DMXL2: variants seen among roughly 807,000 people sequenced by gnomAD.
DMXL2 encodes dmX-like protein 2.
Under a neutral mutation model 331.1 loss-of-function variants are expected in DMXL2, and 103 were observed. The observed-to-expected ratio is 0.31, with a 90% CI of 0.27 to 0.37. The LOEUF (loss-of-function observed/expected upper bound fraction) is 0.37, where lower values mean the gene tolerates loss of function less well. Among genes scored for constraint, DMXL2 ranks in the 10% least tolerant of loss-of-function variants. The pLI, the probability that DMXL2 is intolerant of heterozygous loss-of-function variation, is 1.00. For synonymous variants in DMXL2, 1,281 were observed against 1,252.1 expected (o/e 1.02, Z -0.49); for missense variants, 3,171 against 3,642.9 (o/e 0.87, Z 3.33).
chr15:51,560,073 T>A (rs1008416820), intron 6 of DMXL2, among the ~76,000 whole-genome samples: 4 of 152,168 alleles, frequency 2.6e-5, no homozygotes, highest in African/African-American at 9.7e-5. Flanking sequence ...TCAGTAAATG[T>A]TATTGAGACA....
chr15:51,548,450 C>T (rs2049012296), intron 6 of DMXL2, among the ~76,000 whole-genome samples: 1 of 151,952 alleles, frequency 6.6e-6, no homozygotes, highest in South Asian at 2.1e-4. Flanking sequence ...TAAGTGTTTG[C>T]CCTTAGACAG....
intron 13 of DMXL2, among the ~76,000 whole-genome samples, chr15:51,530,690 G>A (rs531273821): frequency 2.0e-4 from 30 of 152,206 alleles, no homozygotes; most frequent in South Asian, 6.2e-4. Flanking sequence ...GGGAGGCAGC[G>A]GTTGCAGTGA....
chr15:51,622,689 T>A lies in DMXL2; in HGVS notation c.-144A>T, dbSNP rs1378185507. On this transcript the variant is annotated 5_prime_UTR_variant, in exon 1 of 44. The change creates a new upstream start codon in the 5' untranslated region. Transcript: ENST00000560891. The stretch of plus-strand genomic sequence containing the variant: ...GCTCTGGCTTAACTCCTCGCCCCCC[T>A]TTCGCCTTCCCTCCGCCTCGTCCCT... The A allele has an allele frequency of 7.1e-7, 1 of 1,404,866 alleles. No individual in the cohort carries two copies. The highest frequency in any genetic ancestry group is 9.3e-7 in the Non-Finnish European group (1 of 1,070,980). 87.0% of individuals were successfully genotyped at this position (1,404,866 alleles called of 1,614,324 possible). A position where few individuals can be genotyped will look rare whatever the true frequency, so the allele number is the denominator to read the frequency against.
chr15:51,457,597 G>T, intron 36 of DMXL2, 131 bp from the exon 37 acceptor site: 1 of 1,077,570 alleles, frequency 9.3e-7, no homozygotes, highest in Non-Finnish European at 1.3e-6. Context: ...GAAAAACTTA[G>T]GTACAAGTCC....
At chr15:51,555,315 A>T (rs966111325) in intron 6 of DMXL2, among the ~76,000 whole-genome samples, 1 of 152,184 alleles carries the variant, frequency 6.6e-6, no homozygotes, top group Non-Finnish European at 1.5e-5. Context: ...GGTGGTAAAG[A>T]AGTAAGCAGA....
At chr15:51,567,098 A>G (rs952941789) in intron 3 of DMXL2, 3 of 137,024 alleles carry the variant, frequency 2.2e-5, no homozygotes, top group African/African-American at 8.1e-5. Context: ...GCTGGAGTGC[A>G]ATGGTGCAGT....
At position 51,488,618 on chromosome 15, in the gene DMXL2, T is replaced by A; in HGVS notation, c.4981A>T (p.Asn1661Tyr). 1.2e-6 allele frequency: 2 copies of A among 1,611,310 alleles called. No homozygotes were observed. The highest frequency in any genetic ancestry group is 8.5e-7 in the Non-Finnish European group (1 of 1,179,394). Residue 1661 changes from asparagine to tyrosine, a missense_variant, in exon 21 of 44, where the codon AAT becomes TAT. This residue lies in a region of DMXL2 where 252 missense variants were observed against 387.4 expected (regional missense o/e 0.65). Coordinates refer to ENST00000560891, the MANE Select transcript of DMXL2 (RefSeq NM_001378457.1). ...AATAGTGCAGCATCTAAGGCATCAT[T>A]GTTCCTTTGAAAAGAAGCTTTGGCA... ...KVAKASFQRN[N>Y]DALDAALFYL...
chr15:51,518,158 C>A (rs958013812), intron 13 of DMXL2, among the ~76,000 whole-genome samples: 1 of 151,998 alleles, frequency 6.6e-6, no homozygotes, highest in African/African-American at 2.4e-5. Flanking sequence ...CATGGTGAAA[C>A]CCCGTCTCTA....
rs762386288 is a variant in DMXL2, at chr15:51,450,154, G to A, written c.8942C>T (p.Thr2981Ile). The A allele has an allele frequency of 3.1e-6, 5 of 1,613,760 alleles. No homozygotes were observed. Residue 2981 changes from threonine (T) to isoleucine (I), a missense_variant, in exon 43 of 44, where the codon ACA becomes ATA. Physicochemically the swap from Thr to Ile is moderately conservative, Grantham distance 89. This residue lies in a region of DMXL2 where 766 missense variants were observed against 940.5 expected (regional missense o/e 0.81). Coordinates refer to ENST00000560891, the MANE Select transcript of DMXL2 (RefSeq NM_001378457.1). ...ALDPYEEYFT[T>I]GSAEGNIKVW... ...CTTTATGTTACCTTCTGCTGAACCTGTGGTAAAATATTCCTCATAGGGATC... is the reference window on the plus strand; with the variant it reads ...CTTTATGTTACCTTCTGCTGAACCTATGGTAAAATATTCCTCATAGGGATC...
At chr15:51,557,067 T>A (rs2141001708) in intron 6 of DMXL2, among the ~76,000 whole-genome samples, 1 of 151,096 alleles carries the variant, frequency 6.6e-6, no homozygotes, top group African/African-American at 2.4e-5. Context: ...AAAGGAAAAA[T>A]ATGAAAAATG....
chr15:51,517,286 T>C, intron 13 of DMXL2, 119 bp from the exon 14 acceptor site: 1 of 676,662 alleles, frequency 1.5e-6, no homozygotes, highest in Non-Finnish European at 2.6e-6. Context: ...CAATGGAATG[T>C]AATACATTCA....
At chr15:51,594,414 C>T (rs2052631156) in intron 1 of DMXL2, among the ~76,000 whole-genome samples, 1 of 152,162 alleles carries the variant, frequency 6.6e-6, no homozygotes, top group African/African-American at 2.4e-5. Flanking sequence ...GAAATTGAGG[C>T]AATAATTAAT....
chr15:51,454,843 TAG>T (rs1281192978), intron 40 of DMXL2, among the ~76,000 whole-genome samples: 2 of 152,104 alleles, frequency 1.3e-5, no homozygotes, highest in East Asian at 1.9e-4. Context: ...ATTAAGAAGA[TAG>T]AGTTTTCAAA....
chr15:51,539,702 A>G (rs2048483155), intron 9 of DMXL2, among the ~76,000 whole-genome samples: 1 of 152,028 alleles, frequency 6.6e-6, no homozygotes, highest in Non-Finnish European at 1.5e-5. Context: ...CCAGCTACTC[A>G]GGAGGCTGAG....
Position 51,605,685 on chromosome 15 carries a change from A to AG in DMXL2, c.87+16773dup, listed in dbSNP as rs1318937245. Among the ~76,000 whole-genome samples the AG allele has an allele frequency of 1.1e-4, 11 of 100,394 alleles. 2 individuals carry two copies. Among genetic ancestry groups the AG allele is most frequent in the Non-Finnish European group, 2.3e-4 (10 of 44,346 alleles). 65.9% of individuals were successfully genotyped at this position (100,394 alleles called of 152,430 possible). ...CAGCCTCCCCAGTAGCTGGGACTAC[A>AG]GGCGCCCGCCACCGCGCCCGGCTAA... On this transcript the variant is annotated intron_variant, in intron 1 of 43. Transcript: ENST00000560891.
intron 14 of DMXL2, among the ~76,000 whole-genome samples, chr15:51,516,837 C>T (rs2047063914): frequency 6.6e-6 from 1 of 152,196 alleles, no homozygotes; most frequent in Non-Finnish European, 1.5e-5. Context: ...TATTGCTCTG[C>T]ATGCCTTTGC....
At chr15:51,501,483 T>G (rs1184228519) in intron 17 of DMXL2, among the ~76,000 whole-genome samples, 1 of 152,166 alleles carries the variant, frequency 6.6e-6, no homozygotes, top group African/African-American at 2.4e-5. Flanking sequence ...ACATTCTTAA[T>G]AAAGGTGAGA....
At chr15:51,463,713 A>T (rs1436374559) in intron 32 of DMXL2, among the ~76,000 whole-genome samples, 14 of 152,176 alleles carry the variant, frequency 9.2e-5, no homozygotes, top group Admixed American at 9.2e-4. Flanking sequence ...TCATCTAGCA[A>T]CTAATTCTCT....
chr15:51,573,278 G>C (rs1036929846), intron 2 of DMXL2, among the ~76,000 whole-genome samples: 15 of 152,332 alleles, frequency 9.8e-5, no homozygotes, highest in African/African-American at 3.1e-4. Context: ...ATTTGTGTAA[G>C]ACAGTGTGGG....
Sources: gnomAD v4.1 joint callset for allele counts (sites outside exome capture counted in the v4.1 genomes callset) on GRCh38, gnomAD v4.1.1 for gene constraint, gnomAD v4.1.1 regional missense constraint, MANE v1.5 for transcripts, NCBI Gene and HGNC (gene_info 2026-07-23, HGNC 2026-07-21) for gene names.